Variants in TUT4 observed in about 807,000 individuals in gnomAD.
The protein encoded by TUT4 is terminal uridylyltransferase 4.
Under a neutral mutation model 192.2 loss-of-function variants are expected in TUT4, and 36 were observed. The observed-to-expected ratio is 0.19, with a 90% confidence interval of 0.14 to 0.25. The LOEUF is 0.25. TUT4 is among the 10% of genes least tolerant of loss of function. The pLI is 1.00. For synonymous variants in TUT4, 618 were observed against 666.0 expected (o/e 0.93, Z 1.11); for missense variants, 1,493 against 1,957.2 (o/e 0.76, Z 4.47).
At chr1:52,515,710 T>C in intron 3 of TUT4, 181 bp downstream of exon 3, 3 of 707,350 alleles carry the variant, frequency 4.2e-6, no homozygotes, top group Non-Finnish European at 7.1e-6. Flanking sequence ...AAGTAACTGC[T>C]GAAAAAGAGA....
intron 10 of TUT4, 40 bp downstream of exon 10, chr1:52,481,764 T>C: frequency 6.4e-7 from 1 of 1,555,026 alleles, no homozygotes; most frequent in Non-Finnish European, 8.6e-7. Context: ...GAGCAAACTA[T>C]ATATATATAT....
chr1:52,547,421 T>C (rs965839872), intron 1 of TUT4, among the ~76,000 whole-genome samples: 9 of 152,054 alleles, frequency 5.9e-5, no homozygotes, highest in Middle Eastern at 3.4e-3. Flanking sequence ...CTTCCATACA[T>C]TGCCACTGAG....
intron 14 of TUT4, among the ~76,000 whole-genome samples, chr1:52,469,184 A>G (rs1665002348): frequency 6.6e-6 from 1 of 152,186 alleles, no homozygotes; most frequent in South Asian, 2.1e-4. Context: ...AATGTATGCA[A>G]TTTTAAAAAA....
intron 15 of TUT4, among the ~76,000 whole-genome samples, chr1:52,467,355 G>A (rs896755174): frequency 3.0e-4 from 45 of 152,028 alleles, no homozygotes; most frequent in African/African-American, 9.4e-4. Flanking sequence ...CCTGCTCTTT[G>A]CCATCTCAGT....
intron 11 of TUT4, among the ~76,000 whole-genome samples, chr1:52,480,155 A>C (rs1176282878): frequency 6.6e-6 from 1 of 152,192 alleles, no homozygotes; most frequent in Non-Finnish European, 1.5e-5. Context: ...CCACAGGATT[A>C]GATGGGATTA....
intron 13 of TUT4, among the ~76,000 whole-genome samples, chr1:52,473,210 A>G (rs573807048): frequency 7.9e-5 from 12 of 152,272 alleles, no homozygotes; most frequent in African/African-American, 2.6e-4. Context: ...ACTGCAACCT[A>G]GATAAAATGC....
intron 13 of TUT4, among the ~76,000 whole-genome samples, chr1:52,472,607 C>G (rs1426175869): frequency 6.6e-6 from 1 of 151,234 alleles, no homozygotes; most frequent in Non-Finnish European, 1.5e-5. Context: ...AATTATTAAA[C>G]TAATTTACTA....
At chr1:52,513,256 G>A (rs936003759) in intron 3 of TUT4, among the ~76,000 whole-genome samples, 5 of 151,142 alleles carry the variant, frequency 3.3e-5, no homozygotes, top group African/African-American at 1.2e-4. Context: ...CAAAAAACTA[G>A]CAGGCTTGGT....
chr1:52,502,696 T>C lies in TUT4; in HGVS notation c.1000-5513A>G, dbSNP rs1034821556. Among the ~76,000 whole-genome samples the C allele has an allele frequency of 2.8e-5, 4 of 145,112 alleles. No homozygotes were observed. In the East Asian group the frequency reaches 8.8e-4, roughly 32 times the overall value. Reference sequence around the variant, plus strand: ...TGGCGTGCAATTGAGTAATCTCTGCTCACTGCAATCTCCACCTCCCAGATA... The same window carrying C: ...TGGCGTGCAATTGAGTAATCTCTGCCCACTGCAATCTCCACCTCCCAGATA... On this transcript the variant is annotated intron_variant, in intron 4 of 29. Coordinates refer to ENST00000257177, the MANE Select transcript of TUT4 (RefSeq NM_001009881.3).
chr1:52,490,611 C>T, intron 8 of TUT4, 121 bp downstream of exon 8: 1 of 674,532 alleles, frequency 1.5e-6, no homozygotes. Context: ...TAGAAACTAG[C>T]TTAGTCATAT....
intron 3 of TUT4, 32 bp downstream of exon 3, chr1:52,515,859 T>TC: frequency 1.2e-6 from 2 of 1,612,866 alleles, no homozygotes; most frequent in Non-Finnish European, 1.7e-6. Flanking sequence ...AACACACATT[T>TC]CCCCCCAAAT....
chr1:52,443,408 G>A (rs1487162168), intron 24 of TUT4, among the ~76,000 whole-genome samples: 1 of 151,618 alleles, frequency 6.6e-6, no homozygotes, highest in African/African-American at 2.4e-5. Flanking sequence ...CCAGCATGGT[G>A]AAACCCCGTC....
intron 28 of TUT4, among the ~76,000 whole-genome samples, chr1:52,427,846 A>G (rs901579331): frequency 2.6e-5 from 4 of 152,254 alleles, no homozygotes; most frequent in Non-Finnish European, 5.9e-5. Flanking sequence ...AGTCACTAAA[A>G]TAGTTACAAC....
chr1:52,479,563 G>A (rs1435090862), intron 11 of TUT4, among the ~76,000 whole-genome samples: 2 of 152,090 alleles, frequency 1.3e-5, no homozygotes, highest in Non-Finnish European at 2.9e-5. Context: ...TGACTCCAAG[G>A]TTAACCGAAA....
At chr1:52,504,137 C>T (rs1380689854) in intron 4 of TUT4, among the ~76,000 whole-genome samples, 1 of 152,202 alleles carries the variant, frequency 6.6e-6, no homozygotes, top group South Asian at 2.1e-4. Flanking sequence ...ACCTTATGAT[C>T]ATTCAAGACA....
At chr1:52,443,587 T>C (rs1443862335) in intron 24 of TUT4, among the ~76,000 whole-genome samples, 2 of 149,052 alleles carry the variant, frequency 1.3e-5, no homozygotes, top group Non-Finnish European at 3.0e-5. Context: ...AAAAACTCCG[T>C]CTCAAAAAAA....
intron 24 of TUT4, among the ~76,000 whole-genome samples, chr1:52,443,689 G>A (rs1479837112): frequency 6.6e-6 from 1 of 151,992 alleles, no homozygotes; most frequent in East Asian, 1.9e-4. Flanking sequence ...CTTGAGCCTA[G>A]GTGTCCAAGG....
rs564629808 is a variant in TUT4 at position 52,443,776 on chromosome 1, T to C, written c.3822+2011A>G. 1.9e-4 allele frequency among the ~76,000 whole-genome samples: 29 copies of C among 151,062 alleles called. No homozygotes were observed. The South Asian group carries it at 5.9e-3, about 31-fold the overall frequency. On this transcript the variant is annotated intron_variant, in intron 24 of 29. Transcript: ENST00000257177. ...AGACCCTGTATCAAAAAAACAAAAA[T>C]AAACAAAAAGGTCTGACAGCATGCA...
At position 52,428,739 on chromosome 1, in the gene TUT4, C is replaced by T. The variant is rs1650914539; in HGVS notation, c.4711+2274G>A. On this transcript the variant is annotated intron_variant, in intron 28 of 29. Transcript: ENST00000257177. ...TCAGAAGGCGGAGGTTGCAGTGAGC[C>T]GAGATTGTTCCACTGCACTCCAGCC... is the stretch of plus-strand genomic sequence containing the variant. Among the ~76,000 whole-genome samples the T allele has an allele frequency of 2.0e-5, 3 of 151,348 alleles. No homozygotes were observed. The South Asian group carries it at 6.3e-4, about 32-fold the overall frequency.
Sources: gnomAD v4.1 joint callset for allele counts (sites outside exome capture counted in the v4.1 genomes callset) on GRCh38, gnomAD v4.1.1 for gene constraint, MANE v1.5 for transcripts, NCBI Gene and HGNC (gene_info 2026-07-23, HGNC 2026-07-21) for gene names.